FAF1: variants seen among roughly 807,000 people sequenced by gnomAD.
FAF1 encodes FAS-associated factor 1.
A neutral mutation model predicts 92.5 loss-of-function variants in FAF1; 25 were observed. The observed-to-expected ratio is 0.27, with a 90% confidence interval of 0.20 to 0.38. FAF1 has a LOEUF of 0.38. FAF1 is among the 10% of genes least tolerant of loss of function. The pLI, the probability that FAF1 is intolerant of heterozygous loss-of-function variation, is 1.00. For missense variants in FAF1, 636 were observed against 793.3 expected, an observed-to-expected ratio of 0.80 and a Z score of 2.38; for synonymous variants, 234 against 273.2, an observed-to-expected ratio of 0.86 and a Z score of 1.42.
chr1:50,598,098 A>C (rs1651915388), intron 8 of FAF1, among the ~76,000 whole-genome samples: 1 of 152,146 alleles, frequency 6.6e-6, no homozygotes, highest in Non-Finnish European at 1.5e-5. Flanking sequence ...GTTCAAGACC[A>C]GCTTGGGCAA....
At chr1:50,848,728 G>GA (rs1371264386) in intron 2 of FAF1, among the ~76,000 whole-genome samples, 1 of 152,056 alleles carries the variant, frequency 6.6e-6, no homozygotes, top group African/African-American at 2.4e-5. Flanking sequence ...ACTCTCTCAT[G>GA]AAAAAACATC....
At position 50,437,260 on chromosome 1, in the gene FAF1, A is replaced by G. The variant is rs560216066; in HGVS notation, c.*4180T>C. 1.3e-5 allele frequency: 2 copies of G among 152,342 alleles called. No individual in the cohort carries two copies. Among genetic ancestry groups the G allele is most frequent in the East Asian group, 3.9e-4 (2 of 5,190 alleles). 9.4% of individuals were successfully genotyped at this position (152,342 alleles called of 1,614,324 possible). A position where few individuals can be genotyped will look rare whatever the true frequency, so the allele number is the denominator to read the frequency against. On this transcript the variant is annotated 3_prime_UTR_variant, in exon 19 of 19. Transcript: ENST00000396153. ...ATACGGATTGATAAAAAGAATGGAC[A>G]GATTCTTCTCCCCAAATAGGATGAC...
intron 15 of FAF1, among the ~76,000 whole-genome samples, chr1:50,530,238 G>GGGGTGT (rs1648068073): frequency 7.1e-6 from 1 of 141,590 alleles, no homozygotes; most frequent in Non-Finnish European, 1.5e-5. Flanking sequence ...TTTAAGAAGT[G>GGGGTGT]GTGTGTGTGT....
intron 1 of FAF1, among the ~76,000 whole-genome samples, chr1:50,883,655 C>T (rs1240752526): frequency 6.6e-6 from 1 of 152,100 alleles, no homozygotes; most frequent in African/African-American, 2.4e-5. Flanking sequence ...ACCTCTTCCA[C>T]ACTAAAAGAG....
chr1:50,576,642 C>T (rs761214752), intron 12 of FAF1, among the ~76,000 whole-genome samples: 10,740 of 150,854 alleles, frequency 0.071, 456 homozygotes, highest in African/African-American at 0.098. Context: ...CGCCCCCCCC[C>T]CGCCACCACC....
chr1:50,754,900 A>G (rs1044677053), intron 4 of FAF1, among the ~76,000 whole-genome samples: 4 of 151,378 alleles, frequency 2.6e-5, no homozygotes, highest in South Asian at 4.2e-4. Flanking sequence ...ATCAGATCTG[A>G]TAAGACTTGC....
rs139717692 is a variant in FAF1, at chr1:50,852,855, A to C, written c.114+5074T>G. ...CCTAACACAAAATAAACCCTCAATT[A>C]AAGAAGAGACAATAGAAGATGGAAT... is the stretch of plus-strand genomic sequence containing the variant. On this transcript the variant is annotated intron_variant, in intron 2 of 18. Transcript: ENST00000396153. Among the ~76,000 whole-genome samples the C allele has an allele frequency of 3.9e-4, 59 of 152,310 alleles. 2 individuals are homozygous for C. Among genetic ancestry groups the C allele is most frequent in the Non-Finnish European group, 6.6e-4 (45 of 68,014 alleles).
intron 4 of FAF1, among the ~76,000 whole-genome samples, chr1:50,751,931 C>T (rs1659884850): frequency 6.6e-6 from 1 of 152,152 alleles, no homozygotes; most frequent in African/African-American, 2.4e-5. Flanking sequence ...ACCAGAAAAG[C>T]CATCTAGCGT....
At chr1:50,772,845 AC>A (rs946211026) in intron 4 of FAF1, among the ~76,000 whole-genome samples, 1 of 152,220 alleles carries the variant, frequency 6.6e-6, no homozygotes, top group African/African-American at 2.4e-5. Flanking sequence ...GTACCCCTGA[AC>A]CTAAAATAAC....
chr1:50,869,358 T>C (rs1004804992), intron 1 of FAF1, among the ~76,000 whole-genome samples: 1 of 152,172 alleles, frequency 6.6e-6, no homozygotes, highest in Non-Finnish European at 1.5e-5. Flanking sequence ...ATATTTCATG[T>C]AATTATTATG....
intron 6 of FAF1, among the ~76,000 whole-genome samples, chr1:50,724,320 C>T (rs1269905507): frequency 6.6e-6 from 1 of 150,764 alleles, no homozygotes; most frequent in Non-Finnish European, 1.5e-5. Context: ...CACACACACA[C>T]ACACACACAC....
At chr1:50,953,407 A>G (rs1487182878) in intron 1 of FAF1, among the ~76,000 whole-genome samples, 1 of 151,244 alleles carries the variant, frequency 6.6e-6, no homozygotes, top group Non-Finnish European at 1.5e-5. Flanking sequence ...ATAAAAATAA[A>G]TAAATAAATA....
At chr1:50,538,503 A>C (rs1383897331) in intron 14 of FAF1, among the ~76,000 whole-genome samples, 1 of 151,708 alleles carries the variant, frequency 6.6e-6, no homozygotes, top group African/African-American at 2.4e-5. Flanking sequence ...GAGTTTTTAT[A>C]AACTATTCCT....
At chr1:50,731,976 A>C (rs1451190872) in intron 6 of FAF1, among the ~76,000 whole-genome samples, 1 of 152,144 alleles carries the variant, frequency 6.6e-6, no homozygotes, top group African/African-American at 2.4e-5. Context: ...GTTCTACTAC[A>C]TGGTCAGTTT....
chr1:50,831,135 AT>A (rs111429121), intron 2 of FAF1, among the ~76,000 whole-genome samples: 3,167 of 150,432 alleles, frequency 0.021, 102 homozygotes, highest in African/African-American at 0.072. Context: ...CAAAGCAGGG[AT>A]TTTTTTTTTA....
In FAF1 at chr1:50,583,908, C is replaced by T. The variant is rs1651106623; in HGVS notation, c.968-193G>A. On this transcript the variant is annotated intron_variant, in intron 10 of 18. Transcript: ENST00000396153. This position sits in a 1 kb window ranked among gnomAD's most constrained non-coding sequence, Gnocchi z 4.2. ...CAACATATATTAGATCTCATCAAAC[C>T]AGAATCAAAAAGAACCTTAAAATAT... Among the ~76,000 whole-genome samples, 1 of 151,874 alleles carries T rather than the reference C, an allele frequency of 6.6e-6. No individual in the cohort carries two copies. Among genetic ancestry groups the T allele is most frequent in the Non-Finnish European group, 1.5e-5 (1 of 67,868 alleles).
chr1:50,689,993 C>CTTTTTTTT (rs1159221059), intron 7 of FAF1, among the ~76,000 whole-genome samples: 4 of 122,332 alleles, frequency 3.3e-5, no homozygotes, highest in Non-Finnish European at 6.8e-5. Flanking sequence ...CATTATATTT[C>CTTTTTTTT]TTTTTTTTTT....
intron 4 of FAF1, among the ~76,000 whole-genome samples, chr1:50,758,535 A>G (rs1186850892): frequency 6.6e-6 from 1 of 152,230 alleles, no homozygotes; most frequent in African/African-American, 2.4e-5. Flanking sequence ...GTCAATTCTC[A>G]TTTAAATAAA....
intron 2 of FAF1, among the ~76,000 whole-genome samples, chr1:50,851,852 G>A (rs1644354068): frequency 6.6e-6 from 1 of 152,038 alleles, no homozygotes; most frequent in African/African-American, 2.4e-5. Flanking sequence ...GTAAACCAAT[G>A]TGAGTTTAGT....
Sources: gnomAD v4.1 joint callset for allele counts (sites outside exome capture counted in the v4.1 genomes callset) on GRCh38, gnomAD v4.1.1 for gene constraint, Gnocchi (gnomAD v3.1) non-coding constraint, MANE v1.5 for transcripts, NCBI Gene and HGNC (gene_info 2026-07-23, HGNC 2026-07-21) for gene names.